Variants in SEC31B observed in about 807,000 individuals in gnomAD.
SEC31B encodes protein transport protein Sec31B.
A neutral mutation model predicts 135.0 loss-of-function variants in SEC31B; 113 were observed. The ratio of observed to expected loss-of-function variants is 0.84; its 90% CI spans 0.72 to 0.98. The LOEUF (loss-of-function observed/expected upper bound fraction) is 0.98. Ranked by LOEUF, SEC31B falls within the 50% of genes least tolerant of loss-of-function variation. The pLI is 0.00. For missense variants in SEC31B, 1,296 were observed against 1,421.1 expected, an observed-to-expected ratio of 0.91 and a Z score of 1.42; for synonymous variants, 508 against 549.4, an observed-to-expected ratio of 0.92 and a Z score of 1.05.
chr10:100,518,207 T>G (rs1306196337), intron 1 of SEC31B, among the ~76,000 whole-genome samples: 1 of 152,222 alleles, frequency 6.6e-6, no homozygotes, highest in East Asian at 1.9e-4. Context: ...CCACTTCAAC[T>G]TCATCTTTTA....
intron 10 of SEC31B, among the ~76,000 whole-genome samples, chr10:100,504,271 G>A (rs756919273): frequency 2.6e-5 from 4 of 152,182 alleles, no homozygotes; most frequent in Non-Finnish European, 5.9e-5. Context: ...CCTATTGAAT[G>A]TGTTAGTCTT....
In SEC31B at chr10:100,516,916, C is replaced by T; in HGVS notation, c.37G>A (p.Ala13Thr). 6.2e-7 allele frequency: 1 copy of T among 1,614,146 alleles called. No individual in the cohort carries two copies. The highest frequency in any genetic ancestry group is 8.5e-7 in the Non-Finnish European group (1 of 1,180,014). Residue 13 changes from alanine (A) to threonine (T), a missense_variant, in exon 2 of 26, where the codon GCA becomes ACA. Physicochemically the swap from Ala to Thr is moderately conservative, Grantham distance 58. Transcript: ENST00000370345. ...LKELERPAVQ[A>T]WSPASQYPLY... ...GGGTATTGGCTGGCTGGGCTCCATG[C>T]CTGGACAGCTGGCCGCTCAAGTTCC...
At chr10:100,496,131 T>C in intron 18 of SEC31B, 127 bp downstream of exon 18, 1 of 1,001,910 alleles carries the variant, frequency 1.0e-6, no homozygotes, top group Non-Finnish European at 1.5e-6. Flanking sequence ...TGTGAGGTGC[T>C]TAAGGGATTC....
rs1007594723 is a variant in SEC31B, at chr10:100,488,746, C to A, written c.3288+112G>T. 7 of 1,362,816 alleles carry A rather than the reference C, an allele frequency of 5.1e-6. No individual in the cohort carries two copies. The African/African-American group carries it at 8.8e-5, about 17-fold the overall frequency. 84.4% of individuals were successfully genotyped at this position (1,362,816 alleles called of 1,614,324 possible). Reference sequence around the variant, plus strand: ...TCAATTAAGTACAAGATAGAGACAGCATGTCCAGGGGCAGTGAGAAGAGAG... The same window carrying A: ...TCAATTAAGTACAAGATAGAGACAGAATGTCCAGGGGCAGTGAGAAGAGAG... On this transcript the variant is annotated intron_variant, in intron 24 of 25. Transcript: ENST00000370345.
chr10:100,493,229 C>T (rs1211051621), intron 19 of SEC31B, among the ~76,000 whole-genome samples: 3 of 151,868 alleles, frequency 2.0e-5, no homozygotes, highest in African/African-American at 4.8e-5. Context: ...AAAAATTATC[C>T]GGGCGTGGTG....
At chr10:100,499,139 C>T (rs367665622) in intron 13 of SEC31B, 21 bp downstream of exon 13, 7 of 1,602,780 alleles carry the variant, frequency 4.4e-6, no homozygotes, top group African/African-American at 1.3e-5. Flanking sequence ...ATAGGTCAGG[C>T]TGACTGGACT....
chr10:100,499,060 C>T, intron 13 of SEC31B, 100 bp downstream of exon 13: 1 of 943,756 alleles, frequency 1.1e-6, no homozygotes, highest in East Asian at 2.6e-5. Context: ...AGACGCTAAA[C>T]ACTTACAGAC....
intron 19 of SEC31B, among the ~76,000 whole-genome samples, chr10:100,493,040 A>G (rs1427771878): frequency 6.6e-6 from 1 of 152,166 alleles, no homozygotes; most frequent in Non-Finnish European, 1.5e-5. Context: ...CCCAAATTGG[A>G]AACTATCCGA....
chr10:100,511,439 A>C lies in SEC31B; in HGVS notation c.204-1928T>G, dbSNP rs114214512. 6.9e-3 allele frequency among the ~76,000 whole-genome samples: 1,057 copies of C among 152,270 alleles called. 12 individuals are homozygous for C. The highest frequency in any genetic ancestry group is 0.024 in the African/African-American group (983 of 41,550). On this transcript the variant is annotated intron_variant, in intron 3 of 25. Transcript: ENST00000370345. ...CGTACTATTCTGCAACTTTCCTGTA[A>C]GTTTGGATTTTTAAAAAATAAGAAG...
rs9420793 is a variant in SEC31B at position 100,499,296 on chromosome 10, G to A, written c.1486-38C>T. 9.3e-4 allele frequency: 1,393 copies of A among 1,492,228 alleles called. 12 individuals are homozygous for A. The African/African-American group carries it at 0.017, about 19-fold the overall frequency. The allele number at this position is 1,492,228 out of a possible 1,614,324, so 92.4% of individuals were successfully genotyped here. A position where few individuals can be genotyped will look rare whatever the true frequency, so the allele number is the denominator to read the frequency against. On this transcript the variant is annotated intron_variant, in intron 12 of 25. Transcript: ENST00000370345. ...ACCTCTGAAAACCGCTCTTTCAAGC[G>A]TAAGATCAAATAAGCATTATCCTCT...
At position 100,490,882 on chromosome 10, in the gene SEC31B, A is replaced by G. The variant is rs1443607585; in HGVS notation, c.2474T>C (p.Val825Ala). Residue 825 changes from valine to alanine, a missense_variant and splice_region_variant, in exon 20 of 26, where the codon GTC becomes GCC. Coordinates refer to ENST00000370345, the MANE Select transcript of SEC31B (RefSeq NM_015490.4). The part of the protein sequence containing the change: ...YRLGSQPSHQ[V>A]PTPSPRPRVF... Reference sequence around the variant, plus strand: ...CCTTGGCCTTGGAGATGGAGTTGGGACCTATGAAGAGAAAAAAACATCAGC... The same window carrying G: ...CCTTGGCCTTGGAGATGGAGTTGGGGCCTATGAAGAGAAAAAAACATCAGC... 1.6e-5 allele frequency: 23 copies of G among 1,441,676 alleles called. No individual in the cohort carries two copies. The highest frequency in any genetic ancestry group is 2.1e-5 in the Non-Finnish European group (23 of 1,083,304). 89.3% of individuals were successfully genotyped at this position (1,441,676 alleles called of 1,614,324 possible). A position where few individuals can be genotyped will look rare whatever the true frequency, so the allele number is the denominator to read the frequency against.
Position 100,499,167 on chromosome 10 carries a change from C to T in SEC31B, c.1577G>A (p.Cys526Tyr), listed in dbSNP as rs1318344800. 6.2e-7 allele frequency: 1 copy of T among 1,613,934 alleles called. No homozygotes were observed. Among genetic ancestry groups the T allele is most frequent in the African/African-American group, 1.3e-5 (1 of 75,044 alleles). The change falls in exon 13 of 26, where the codon TGC becomes TAC. Residue 526 changes from cysteine to tyrosine, a missense_variant. By Grantham distance (194) the Cys-to-Tyr change is radical. Coordinates refer to ENST00000370345, the MANE Select transcript of SEC31B (RefSeq NM_015490.4). ...ACTGGACTCCTACCACACCTGGCTG[C>T]AGAAGGCCTGTTGTCTGTCACTGTT... The part of the protein sequence containing the change: ...DLNSDRQQAF[C>Y]SQASKHTTKE...
At chr10:100,488,715 T>A (rs766779497) in intron 24 of SEC31B, 143 bp downstream of exon 24, 171 of 1,158,674 alleles carry the variant, frequency 1.5e-4, no homozygotes, top group Non-Finnish European at 1.9e-4. Context: ...CAGCTCCACA[T>A]GGACGTCAAT....
At chr10:100,508,263 C>A (rs1449082225) in intron 5 of SEC31B, among the ~76,000 whole-genome samples, 1 of 152,062 alleles carries the variant, frequency 6.6e-6, no homozygotes, top group Non-Finnish European at 1.5e-5. Flanking sequence ...GCAGGCACAT[C>A]TAAGTTTTAC....
chr10:100,489,920 C>T (rs937436758), intron 21 of SEC31B, 88 bp downstream of exon 21: 4 of 1,531,540 alleles, frequency 2.6e-6, no homozygotes, highest in Non-Finnish European at 3.5e-6. Flanking sequence ...GGGCCCTAGC[C>T]CTCTGACTTG....
intron 19 of SEC31B, chr10:100,494,771 C>A: frequency 6.5e-6 from 1 of 154,030 alleles, no homozygotes. Flanking sequence ...TCTGTGTGAT[C>A]TTATAGCCCC....
chr10:100,510,320 G>A (rs990680865), intron 3 of SEC31B, among the ~76,000 whole-genome samples: 16 of 152,256 alleles, frequency 1.1e-4, no homozygotes, highest in African/African-American at 3.6e-4. Flanking sequence ...CCATGTGGCT[G>A]CAAAGGGCCA....
intron 16 of SEC31B, 182 bp from the exon 17 acceptor site, chr10:100,497,462 G>C (rs1022734081): frequency 2.0e-6 from 3 of 1,472,682 alleles, no homozygotes; most frequent in East Asian, 4.9e-5. Context: ...GACAAGACAA[G>C]GTAAAACAGG....
intron 5 of SEC31B, chr10:100,508,648 C>T (rs1159368832): frequency 4.9e-6 from 2 of 407,464 alleles, no homozygotes; most frequent in African/African-American, 4.1e-5. Flanking sequence ...GTCTGGGGTC[C>T]TACTCTTCCT....
Sources: gnomAD v4.1 joint callset for allele counts (sites outside exome capture counted in the v4.1 genomes callset) on GRCh38, gnomAD v4.1.1 for gene constraint, MANE v1.5 for transcripts, NCBI Gene and HGNC (gene_info 2026-07-23, HGNC 2026-07-21) for gene names.